Variants in PRMT3 observed in about 807,000 individuals in gnomAD.
PRMT3 encodes the protein protein arginine methyltransferase 3, also known as protein arginine N-methyltransferase 3.
A neutral mutation model predicts 71.9 loss-of-function variants in PRMT3; 62 were observed. The ratio of observed to expected loss-of-function variants is 0.86; its 90% confidence interval spans 0.70 to 1.07. The LOEUF (loss-of-function observed/expected upper bound fraction) is 1.07. Ranked by LOEUF, PRMT3 falls within the 50% of genes least tolerant of loss-of-function variation. The probability of loss-of-function intolerance (pLI) is 0.00; values close to 1 mark genes in which losing one functional copy is unlikely to be tolerated. For missense variants in PRMT3, 663 were observed against 643.0 expected (o/e 1.03, Z -0.34); for synonymous variants, 213 against 220.4 (o/e 0.97, Z 0.30).
chr11:20,493,992 T>C, intron 14 of PRMT3, 23 bp downstream of exon 14: 2 of 1,532,362 alleles, frequency 1.3e-6, no homozygotes, highest in Non-Finnish European at 1.8e-6. Context: ...AATTATCTCA[T>C]AAGAATTAAT....
At chr11:20,471,545 C>G (rs1326732721) in intron 13 of PRMT3, among the ~76,000 whole-genome samples, 1 of 152,014 alleles carries the variant, frequency 6.6e-6, no homozygotes, top group African/African-American at 2.4e-5. Flanking sequence ...TATTTCTGAG[C>G]TCTCCATTCC....
intron 10 of PRMT3, among the ~76,000 whole-genome samples, chr11:20,441,669 A>C (rs998792104): frequency 6.6e-6 from 1 of 151,600 alleles, no homozygotes; most frequent in Non-Finnish European, 1.5e-5. Context: ...GTGTAAGATT[A>C]TGGAATTTTT....
chr11:20,466,751 T>C (rs1299349647), intron 13 of PRMT3, among the ~76,000 whole-genome samples: 2 of 152,194 alleles, frequency 1.3e-5, no homozygotes. Context: ...AGTTTTATTC[T>C]GTATACTTAA....
intron 8 of PRMT3, among the ~76,000 whole-genome samples, chr11:20,404,244 T>TGTTTTG: frequency 3.7e-5 from 2 of 53,808 alleles, no homozygotes; most frequent in East Asian, 7.2e-4. Context: ...TTTTTTTTTT[T>TGTTTTG]TTTTTTTTGA....
intron 7 of PRMT3, among the ~76,000 whole-genome samples, chr11:20,401,872 A>C (rs1848956003): frequency 6.6e-6 from 1 of 152,160 alleles, no homozygotes; most frequent in South Asian, 2.1e-4. Flanking sequence ...TGTGGGCTGC[A>C]GGGCTCAAAT....
intron 10 of PRMT3, among the ~76,000 whole-genome samples, chr11:20,427,461 A>G (rs1275026942): frequency 6.6e-6 from 1 of 152,228 alleles, no homozygotes; most frequent in Non-Finnish European, 1.5e-5. Flanking sequence ...ATGGTGGCTC[A>G]CACCTTTAAT....
intron 7 of PRMT3, among the ~76,000 whole-genome samples, chr11:20,398,434 A>G (rs1042014397): frequency 1.3e-5 from 2 of 152,106 alleles, no homozygotes; most frequent in Admixed American, 1.3e-4. Flanking sequence ...TGGTGCTTCC[A>G]TGAGACTATA....
chr11:20,460,941 C>T (rs1850369453), intron 11 of PRMT3, among the ~76,000 whole-genome samples: 1 of 152,156 alleles, frequency 6.6e-6, no homozygotes, highest in African/African-American at 2.4e-5. Context: ...CTTAATTTGT[C>T]TCTGTTTTCA....
At chr11:20,496,692 T>C (rs532957976) in intron 15 of PRMT3, among the ~76,000 whole-genome samples, 15 of 152,116 alleles carry the variant, frequency 9.9e-5, no homozygotes, top group Non-Finnish European at 1.5e-4. Flanking sequence ...GGAGGAACTC[T>C]GATAGATTTT....
chr11:20,407,759 GATTACAGGCGTGAGCCAC>G, intron 8 of PRMT3, 134 bp from the exon 9 acceptor site: 1 of 644,242 alleles, frequency 1.6e-6, no homozygotes, highest in East Asian at 3.2e-5. Context: ...GAGGCCAAAG[GATTACAGGCGTGAGCCAC>G]CGCGCCTGGC....
chr11:20,394,587 C>T (rs1848785299), intron 5 of PRMT3, among the ~76,000 whole-genome samples: 1 of 152,094 alleles, frequency 6.6e-6, no homozygotes, highest in Non-Finnish European at 1.5e-5. Flanking sequence ...ACCTCACATT[C>T]CATTTTTTTA....
chr11:20,492,903 A>G (rs924550586), intron 13 of PRMT3, among the ~76,000 whole-genome samples: 10 of 152,178 alleles, frequency 6.6e-5, no homozygotes, highest in African/African-American at 2.4e-4. Flanking sequence ...CTAAAAATAT[A>G]AAAATTAGCC....
chr11:20,503,990 A>T (rs1851519553), intron 15 of PRMT3, among the ~76,000 whole-genome samples: 1 of 152,220 alleles, frequency 6.6e-6, no homozygotes, highest in African/African-American at 2.4e-5. Context: ...TTTAACACTT[A>T]TAAAAAAGAT....
In PRMT3 at chr11:20,395,891, A is replaced by G. The variant is rs1329005992; in HGVS notation, c.489A>G (p.Lys163=). ...SENTSVVEKL[K]HMEARALSAE... is the part of the protein sequence containing the mutation. ...ATACATCTGTTGTTGAAAAATTGAA[A>G]CATATGGAAGCCAGGGCACTGTCTG... Residue 163 remains lysine (K), a synonymous_variant, in exon 6 of 16, where the codon AAA becomes AAG. Coordinates refer to ENST00000331079, the MANE Select transcript of PRMT3 (RefSeq NM_005788.4). The G allele has an allele frequency of 1.1e-5, 18 of 1,614,078 alleles. No homozygotes were observed. Among genetic ancestry groups the G allele is most frequent in the Non-Finnish European group, 1.4e-5 (16 of 1,180,044 alleles).
intron 2 of PRMT3, among the ~76,000 whole-genome samples, chr11:20,388,980 T>C (rs575417930): frequency 2.0e-5 from 3 of 152,334 alleles, no homozygotes; most frequent in South Asian, 2.1e-4. Flanking sequence ...TGTAGCCCCA[T>C]TGGGTAGATA....
At chr11:20,415,730 G>C (rs1455484728) in intron 9 of PRMT3, among the ~76,000 whole-genome samples, 2 of 152,128 alleles carry the variant, frequency 1.3e-5, no homozygotes, top group East Asian at 3.9e-4. Flanking sequence ...AAGTGTGCAT[G>C]ATGAATCTTC....
rs916666254 is a variant in PRMT3, at chr11:20,389,690, A to G, written c.165-54A>G. The G allele has an allele frequency of 5.1e-5, 62 of 1,205,216 alleles. 1 individual carries two copies. In the African/African-American group the frequency reaches 6.7e-4, roughly 13 times the overall value. 74.7% of individuals were successfully genotyped at this position (1,205,216 alleles called of 1,614,324 possible). The stretch of plus-strand genomic sequence containing the variant: ...AAAAGTGTATATGTAACATGAAATC[A>G]GTATTTAGACTTCTTAGGGGACTAT... On this transcript the variant is annotated intron_variant, in intron 2 of 15. Transcript: ENST00000331079.
intron 10 of PRMT3, among the ~76,000 whole-genome samples, chr11:20,441,192 C>T (rs182197069): frequency 1.3e-3 from 201 of 151,766 alleles, no homozygotes; most frequent in South Asian, 1.7e-3. Context: ...ATCAAAGAAT[C>T]CTGGTCTTTC....
chr11:20,504,686 GTA>G (rs149543433), intron 15 of PRMT3, among the ~76,000 whole-genome samples: 38,502 of 115,302 alleles, frequency 0.33, 5,338 homozygotes, highest in Non-Finnish European at 0.37. Context: ...CTCAAGTATT[GTA>G]TGTGTGTGTG....
Sources: allele counts gnomAD v4.1 joint callset (sites outside exome capture counted in the v4.1 genomes callset), GRCh38; gene constraint gnomAD v4.1.1; transcripts MANE v1.5; gene names NCBI Gene and HGNC (gene_info 2026-07-23, HGNC 2026-07-21).